The following SMYD2 variants were observed in gnomAD, a reference collection of about 807,000 sequenced individuals.
SMYD2 encodes the protein N-lysine methyltransferase SMYD2.
SMYD2 carries 53 observed loss-of-function variants against 59.1 expected under a neutral mutation model. The ratio of observed to expected loss-of-function variants is 0.90; its 90% CI spans 0.72 to 1.13. SMYD2 has a LOEUF of 1.13. SMYD2 is among the 50% of genes most tolerant of loss of function. The probability of loss-of-function intolerance (pLI) is 0.00; values close to 1 mark genes in which losing one functional copy is unlikely to be tolerated. For synonymous variants in SMYD2, 208 were observed against 198.8 expected, an observed-to-expected ratio of 1.05 and a Z score of -0.39; for missense variants, 494 against 544.7, an observed-to-expected ratio of 0.91 and a Z score of 0.93.
At chr1:214,319,042 C>G in intron 5 of SMYD2, 59 bp downstream of exon 5, 1 of 1,583,200 alleles carries the variant, frequency 6.3e-7, no homozygotes, top group Non-Finnish European at 8.6e-7. Flanking sequence ...AAGGCCCTCT[C>G]CCTAGCAAGC....
intron 1 of SMYD2, among the ~76,000 whole-genome samples, chr1:214,284,291 G>A (rs1312424973): frequency 1.4e-3 from 130 of 90,646 alleles, no homozygotes; most frequent in African/African-American, 5.8e-3. Flanking sequence ...ACAGAGTTTC[G>A]CTCTTGTTGC....
At chr1:214,291,570 T>C (rs1421997907) in intron 1 of SMYD2, among the ~76,000 whole-genome samples, 1 of 152,250 alleles carries the variant, frequency 6.6e-6, no homozygotes, top group Non-Finnish European at 1.5e-5. Flanking sequence ...TCTTGAGTTA[T>C]TGGGCTCTCA....
intron 11 of SMYD2, among the ~76,000 whole-genome samples, chr1:214,336,227 TCTC>T (rs748942721): frequency 4.6e-5 from 7 of 151,982 alleles, no homozygotes; most frequent in Non-Finnish European, 8.8e-5. Flanking sequence ...CAGATGGTCT[TCTC>T]CTTTTTTAAA....
At chr1:214,287,167 G>A (rs989109284) in intron 1 of SMYD2, among the ~76,000 whole-genome samples, 1 of 151,954 alleles carries the variant, frequency 6.6e-6, no homozygotes, top group Non-Finnish European at 1.5e-5. Flanking sequence ...CTGGCTAAAT[G>A]TTTCTAACTT....
At chr1:214,315,019 G>A in intron 3 of SMYD2, 147 bp downstream of exon 3, 1 of 653,798 alleles carries the variant, frequency 1.5e-6, no homozygotes, top group Non-Finnish European at 2.7e-6. Context: ...CAGGGGTGGG[G>A]AAAATACTCC....
At chr1:214,332,308 C>G in intron 10 of SMYD2, 116 bp downstream of exon 10, 1 of 1,215,270 alleles carries the variant, frequency 8.2e-7, no homozygotes, top group Non-Finnish European at 1.1e-6. Flanking sequence ...GCTGCCTCTT[C>G]TCTGCACCCA....
At chr1:214,284,808 G>T (rs557096872) in intron 1 of SMYD2, among the ~76,000 whole-genome samples, 27 of 152,274 alleles carry the variant, frequency 1.8e-4, no homozygotes, top group African/African-American at 6.5e-4. Flanking sequence ...GAGCCACCGT[G>T]CCTGGCCTAG....
At chr1:214,331,830 C>T (rs1657359338) in intron 9 of SMYD2, 188 bp from the exon 10 acceptor site, 1 of 596,212 alleles carries the variant, frequency 1.7e-6, no homozygotes. Context: ...CGGTTCCGAC[C>T]TTCAGGTTTT....
At chr1:214,317,612 G>A (rs1263670224) in intron 3 of SMYD2, among the ~76,000 whole-genome samples, 1 of 152,164 alleles carries the variant, frequency 6.6e-6, no homozygotes, top group African/African-American at 2.4e-5. Context: ...AAGTGAATCT[G>A]GGCTCACAGA....
In SMYD2 at chr1:214,332,069, C is replaced by T. The variant is rs973721636; in HGVS notation, c.989C>T (p.Ser330Phe). Residue 330 changes from serine (S) to phenylalanine (F), a missense_variant, in exon 10 of 12, where the codon TCT (serine) becomes TTT (phenylalanine). Transcript: ENST00000366957. ...ICELSQEKMS[S>F]VFEDSNVYML... ...GAGCTCAGCCAGGAGAAGATGAGCT[C>T]TGTGTTTGAGGACAGTAACGTGTAC... is the stretch of plus-strand genomic sequence containing the variant. 6 of 1,613,912 alleles carry T rather than the reference C, an allele frequency of 3.7e-6. No homozygotes were observed. In the African/African-American group the frequency reaches 6.7e-5, roughly 18 times the overall value.
intron 1 of SMYD2, among the ~76,000 whole-genome samples, chr1:214,298,575 G>A (rs887859387): frequency 6.6e-5 from 10 of 152,132 alleles, no homozygotes; most frequent in African/African-American, 2.4e-4. Flanking sequence ...CTTCTGCACA[G>A]CAAAAGAAAC....
intron 5 of SMYD2, among the ~76,000 whole-genome samples, chr1:214,321,404 CACAT>C (rs1405040624): frequency 6.7e-6 from 1 of 149,260 alleles, no homozygotes; most frequent in African/African-American, 2.4e-5. Context: ...CAAATACACA[CACAT>C]ATAATTTTTT....
Position 214,318,749 on chromosome 1 carries a change from T to A in SMYD2, c.410-110T>A. ...GGGGGTTCAACATGTTAGTTTTGGG[T>A]TTTTTTTTTTTCGCCCGTTCCTTTC... On this transcript the variant is annotated intron_variant, in intron 4 of 11. Coordinates refer to ENST00000366957, the MANE Select transcript of SMYD2 (RefSeq NM_020197.3). This position sits in a 1 kb window ranked among gnomAD's most constrained non-coding sequence, Gnocchi z 5.4. The A allele has an allele frequency of 1.5e-5, 9 of 590,088 alleles. No homozygotes were observed. Among genetic ancestry groups the A allele is most frequent in the Non-Finnish European group, 2.1e-5 (9 of 430,590 alleles). 36.6% of individuals were successfully genotyped at this position (590,088 alleles called of 1,614,324 possible). A position where few individuals can be genotyped will look rare whatever the true frequency, so the allele number is the denominator to read the frequency against.
chr1:214,303,726 G>T (rs566036149), intron 1 of SMYD2, among the ~76,000 whole-genome samples: 1 of 152,318 alleles, frequency 6.6e-6, no homozygotes, highest in Non-Finnish European at 1.5e-5. Context: ...CTGACGAGAA[G>T]CCGCGGAGGA....
chr1:214,299,472 TATATATATATAC>T (rs1656786291), intron 1 of SMYD2, among the ~76,000 whole-genome samples: 1 of 68,506 alleles, frequency 1.5e-5, no homozygotes, highest in Non-Finnish European at 3.1e-5. Flanking sequence ...ACATTATATA[TATATATATATAC>T]ACCATAGAAT....
rs137898910 is a variant in SMYD2 at position 214,293,115 on chromosome 1, C to T, written c.173+11688C>T. The stretch of plus-strand genomic sequence containing the variant: ...TCACCCAGGCTGGAGTGCAATAGCA[C>T]GATCTCTGCTCATTGCAACCTCCGC... On this transcript the variant is annotated intron_variant, in intron 1 of 11. Transcript: ENST00000366957. Among the ~76,000 whole-genome samples, 77 of 151,854 alleles carry T rather than the reference C, an allele frequency of 5.1e-4. 2 individuals carry two copies. The East Asian group carries it at 0.012, about 23-fold the overall frequency.
intron 1 of SMYD2, among the ~76,000 whole-genome samples, chr1:214,287,979 G>A (rs1656577885): frequency 6.6e-6 from 1 of 152,128 alleles, no homozygotes; most frequent in Non-Finnish European, 1.5e-5. Context: ...TTTCATATGC[G>A]GGGAACATAA....
chr1:214,309,252 C>A (rs1468806461), intron 2 of SMYD2, among the ~76,000 whole-genome samples: 1 of 152,186 alleles, frequency 6.6e-6, no homozygotes, highest in East Asian at 1.9e-4. Context: ...GGAGGAAATA[C>A]AAAAGAAACA....
chr1:214,295,848 C>T (rs1185050406), intron 1 of SMYD2, among the ~76,000 whole-genome samples: 2 of 152,212 alleles, frequency 1.3e-5, no homozygotes, highest in Non-Finnish European at 2.9e-5. Flanking sequence ...TTTTATTTCT[C>T]TTAAACAAGA....
Sources: gnomAD v4.1 joint callset for allele counts (sites outside exome capture counted in the v4.1 genomes callset) on GRCh38, gnomAD v4.1.1 for gene constraint, Gnocchi (gnomAD v3.1) non-coding constraint, MANE v1.5 for transcripts, NCBI Gene and HGNC (gene_info 2026-07-23, HGNC 2026-07-21) for gene names.